The following MAPKAPK3 variants were observed in gnomAD, a reference collection of about 807,000 sequenced individuals.
MAPKAPK3 encodes MAPK activated protein kinase 3.
Under a neutral mutation model 49.2 loss-of-function variants are expected in MAPKAPK3, and 35 were observed. The observed-to-expected ratio is 0.71, with a 90% CI of 0.54 to 0.94. The LOEUF (loss-of-function observed/expected upper bound fraction) is 0.94. MAPKAPK3 is among the 40% of genes least tolerant of loss of function. The pLI is 0.00. For missense variants in MAPKAPK3, 398 were observed against 493.1 expected (o/e 0.81, Z 1.83); for synonymous variants, 178 against 188.7 (o/e 0.94, Z 0.46).
intron 2 of MAPKAPK3, among the ~76,000 whole-genome samples, chr3:50,624,259 CTGTGTGTGTGTGCACTCACG>C (rs2032679674): frequency 1.3e-5 from 2 of 151,366 alleles, no homozygotes; most frequent in African/African-American, 2.4e-5. Context: ...ATGTGTGTGC[CTGTGTGTGTGTGCACTCACG>C]TGTGTGTGTG....
At chr3:50,632,937 G>T (rs1204511526) in intron 2 of MAPKAPK3, among the ~76,000 whole-genome samples, 1 of 152,234 alleles carries the variant, frequency 6.6e-6, no homozygotes, top group African/African-American at 2.4e-5. Flanking sequence ...TGGATAGGGG[G>T]CCCTTCCTGG....
intron 6 of MAPKAPK3, among the ~76,000 whole-genome samples, chr3:50,645,491 G>A (rs1028738338): frequency 1.3e-5 from 2 of 152,202 alleles, no homozygotes; most frequent in Non-Finnish European, 2.9e-5. Context: ...GCCCAAGGGA[G>A]CTAGGGGTAT....
chr3:50,645,557 C>T (rs1391465394), intron 6 of MAPKAPK3, among the ~76,000 whole-genome samples, 153 bp from the exon 7 acceptor site: 1 of 152,188 alleles, frequency 6.6e-6, no homozygotes. Flanking sequence ...ACTTCACACA[C>T]ATGCTGCCTT....
chr3:50,622,488 C>T (rs1382289668), intron 2 of MAPKAPK3, among the ~76,000 whole-genome samples: 1 of 152,184 alleles, frequency 6.6e-6, no homozygotes, highest in Non-Finnish European at 1.5e-5. Context: ...GATAATACTC[C>T]CCTTTGATTC....
intron 2 of MAPKAPK3, among the ~76,000 whole-genome samples, chr3:50,621,367 G>A (rs1306107042): frequency 6.6e-6 from 1 of 152,140 alleles, no homozygotes; most frequent in Non-Finnish European, 1.5e-5. Flanking sequence ...TGAGGCGGGA[G>A]GATCACTTGA....
intron 2 of MAPKAPK3, among the ~76,000 whole-genome samples, chr3:50,622,474 CT>C (rs1236052046): frequency 6.6e-6 from 1 of 152,210 alleles, no homozygotes; most frequent in East Asian, 1.9e-4. Flanking sequence ...TCTTTGACCC[CT>C]TTGATAATAC....
At chr3:50,640,561 T>A (rs2033156179) in intron 3 of MAPKAPK3, 56 bp downstream of exon 3, 1 of 1,543,974 alleles carries the variant, frequency 6.5e-7, no homozygotes, top group Non-Finnish European at 8.8e-7. Flanking sequence ...GCCCTCAGGC[T>A]CCCTGCCACG....
upstream of MAPKAPK3, among the ~76,000 whole-genome samples, chr3:50,616,572 T>C (rs1019442613): frequency 5.9e-5 from 9 of 152,078 alleles, no homozygotes; most frequent in African/African-American, 2.2e-4. Context: ...ATGCTGTATA[T>C]ACCAAAGGGA....
At chr3:50,646,713 C>T in intron 8 of MAPKAPK3, 27 bp from the exon 9 acceptor site, 1 of 1,553,538 alleles carries the variant, frequency 6.4e-7, no homozygotes, top group African/African-American at 1.4e-5. Context: ...AATCTCATCT[C>T]TCCCCTCTCT....
chr3:50,640,609 TG>T, intron 3 of MAPKAPK3, 104 bp downstream of exon 3: 3 of 1,391,994 alleles, frequency 2.2e-6, no homozygotes, highest in Non-Finnish European at 2.9e-6. Flanking sequence ...GTAGCAGATC[TG>T]GGTGCCACTG....
upstream of MAPKAPK3, chr3:50,611,811 G>A: frequency 1.0e-6 from 1 of 957,384 alleles, no homozygotes; most frequent in Non-Finnish European, 1.4e-6. Context: ...GAGGGCGAGG[G>A]GGGCGGGCCA....
At chr3:50,621,011 C>T (rs534337975) in intron 2 of MAPKAPK3, among the ~76,000 whole-genome samples, 2 of 152,362 alleles carry the variant, frequency 1.3e-5, no homozygotes, top group East Asian at 1.9e-4. Flanking sequence ...TTATCACATA[C>T]ATGAAAATTG....
intron 2 of MAPKAPK3, among the ~76,000 whole-genome samples, chr3:50,637,531 A>G (rs1160416331): frequency 6.6e-6 from 1 of 151,502 alleles, no homozygotes; most frequent in African/African-American, 2.4e-5. Context: ...GCTACTCGGG[A>G]GGCTGAGGCA....
At chr3:50,640,602 G>A in intron 3 of MAPKAPK3, 97 bp downstream of exon 3, 1 of 1,436,220 alleles carries the variant, frequency 7.0e-7, no homozygotes, top group South Asian at 1.4e-5. Context: ...TTTTCAGGTA[G>A]CAGATCTGGG....
upstream of MAPKAPK3, among the ~76,000 whole-genome samples, chr3:50,614,354 C>T (rs115578336): frequency 9.1e-4 from 139 of 152,302 alleles, no homozygotes; most frequent in African/African-American, 3.1e-3. Context: ...AGGGATTGAA[C>T]TTACTGCAAG....
chr3:50,624,347 T>G (rs1157490844), intron 2 of MAPKAPK3, among the ~76,000 whole-genome samples: 1 of 152,128 alleles, frequency 6.6e-6, no homozygotes, highest in Admixed American at 6.6e-5. Flanking sequence ...GGTTTAGACA[T>G]TCAGCACCTG....
At chr3:50,640,646 G>A in intron 3 of MAPKAPK3, 141 bp downstream of exon 3, 1 of 1,021,484 alleles carries the variant, frequency 9.8e-7, no homozygotes, top group South Asian at 1.7e-5. Flanking sequence ...AATGGAGCAG[G>A]CAGCCGCAGG....
chr3:50,623,846 A>G (rs2032669567), intron 2 of MAPKAPK3, among the ~76,000 whole-genome samples: 1 of 152,202 alleles, frequency 6.6e-6, no homozygotes. Flanking sequence ...AGATGCTGGC[A>G]TTGTCCTCTC....
intron 3 of MAPKAPK3, among the ~76,000 whole-genome samples, chr3:50,640,759 T>C (rs1231825986): frequency 1.3e-5 from 2 of 152,212 alleles, no homozygotes; most frequent in South Asian, 4.1e-4. Context: ...ATTTCTACTC[T>C]GTGAGGAGGA....
Sources: gnomAD v4.1 joint callset for allele counts (sites outside exome capture counted in the v4.1 genomes callset) on GRCh38, gnomAD v4.1.1 for gene constraint, MANE v1.5 for transcripts, NCBI Gene and HGNC (gene_info 2026-07-23, HGNC 2026-07-21) for gene names.